Variants in ITGAM observed in about 807,000 individuals in gnomAD.
The protein encoded by ITGAM is integrin subunit alpha M.
A neutral mutation model predicts 137.5 loss-of-function variants in ITGAM; 79 were observed. The observed-to-expected ratio is 0.57, with a 90% CI of 0.48 to 0.69. The LOEUF is 0.69. Among genes scored for constraint, ITGAM ranks in the 30% least tolerant of loss-of-function variants. The pLI is 0.00. For missense variants in ITGAM, 1,343 were observed against 1,483.5 expected (o/e 0.91, Z 1.56); for synonymous variants, 583 against 592.3 (o/e 0.98, Z 0.23).
Position 31,330,149 on chromosome 16 carries a change from G to A in ITGAM, c.3045G>A (p.Arg1015=), listed in dbSNP as rs746991416. The A allele has an allele frequency of 2.5e-6, 4 of 1,613,372 alleles. No homozygotes were observed. The Admixed American group carries it at 6.7e-5, about 27-fold the overall frequency. ...PSHSDFLAEL[R]KAPVVNCSIA... ...ACTCCGACTTTCTGGCTGAGCTTCG[G>A]AAGGCCCCCGTGGTGGTGAGAAGCT... is the stretch of plus-strand genomic sequence containing the variant. The change falls in exon 26 of 30, where the codon CGG becomes CGA. Residue 1015 remains arginine, a synonymous_variant. Transcript: ENST00000544665.
chr16:31,274,002 C>T (rs941498733), intron 8 of ITGAM, among the ~76,000 whole-genome samples: 1 of 152,230 alleles, frequency 6.6e-6, no homozygotes, highest in African/African-American at 2.4e-5. Flanking sequence ...TGCTTTTTTA[C>T]GCCTCTGCAT....
Position 31,273,515 on chromosome 16 carries a change from TG to T in ITGAM, c.858+1del. ...GAGAGGGAGTCATTCGCTACGTCATTGGGGTAGGGAATGCAGCTCTCAGGTT... is the reference window on the plus strand; with the variant it reads ...GAGAGGGAGTCATTCGCTACGTCATTGGGTAGGGAATGCAGCTCTCAGGTT... ...DREGVIRYVIGVGDAFRSEKS... is the reference protein window; with the variant it reads ...DREGVIRYVIXVGDAFRSEKS... On this transcript the variant is annotated frameshift_variant and splice_region_variant, in exon 8 of 30. Transcript: ENST00000544665. LOFTEE classifies it high-confidence loss of function. 1 of 1,613,520 alleles carries T rather than the reference TG, an allele frequency of 6.2e-7. No individual in the cohort carries two copies.
intron 14 of ITGAM, among the ~76,000 whole-genome samples, chr16:31,316,662 G>C (rs1167615636): frequency 6.6e-6 from 1 of 152,108 alleles, no homozygotes. Flanking sequence ...ATGCCATTGG[G>C]ATTTTGGTAG....
chr16:31,324,368 C>T lies in ITGAM; in HGVS notation c.2003-31C>T. 6.5e-7 allele frequency: 1 copy of T among 1,543,756 alleles called. No homozygotes were observed. The highest frequency in any genetic ancestry group is 8.8e-7 in the Non-Finnish European group (1 of 1,140,272). On this transcript the variant is annotated intron_variant, in intron 16 of 29. Coordinates refer to ENST00000544665, the MANE Select transcript of ITGAM (RefSeq NM_000632.4). The surrounding 1 kb of genome is among the most constrained non-coding windows in gnomAD (Gnocchi z 4.5). ...ATCTGCCGGGTTCCGAGGCTCAGGCCCCTCACTGCTGTGCCACCCTGTCCC... is the reference window on the plus strand; with the variant it reads ...ATCTGCCGGGTTCCGAGGCTCAGGCTCCTCACTGCTGTGCCACCCTGTCCC...
chr16:31,277,172 C>A, intron 11 of ITGAM, 123 bp downstream of exon 11: 1 of 803,666 alleles, frequency 1.2e-6, no homozygotes, highest in Non-Finnish European at 1.8e-6. Context: ...CTATTAGTCT[C>A]TTGGGATAGC....
At chr16:31,326,414 A>C (rs2080508759) in intron 21 of ITGAM, among the ~76,000 whole-genome samples, 1 of 152,068 alleles carries the variant, frequency 6.6e-6, no homozygotes, top group Non-Finnish European at 1.5e-5. Flanking sequence ...AATTGTTTTT[A>C]AATTTTTTAT....
In ITGAM at chr16:31,330,337, C is replaced by T. The variant is rs2080563841; in HGVS notation, c.3090C>T (p.Ile1030=). The T allele has an allele frequency of 1.2e-6, 2 of 1,613,834 alleles. No homozygotes were observed. Among genetic ancestry groups the T allele is most frequent in the Admixed American group, 3.3e-5 (2 of 60,010 alleles). Residue 1030 remains isoleucine (I), a synonymous_variant, in exon 27 of 30, where the codon ATC becomes ATT. Transcript: ENST00000544665. ...GCTCCATCGCTGTCTGCCAGAGAATCCAGTGTGACATCCCGTTCTTTGGCA... is the reference window on the plus strand; with the variant it reads ...GCTCCATCGCTGTCTGCCAGAGAATTCAGTGTGACATCCCGTTCTTTGGCA... The part of the protein sequence containing the change: ...VNCSIAVCQR[I]QCDIPFFGIQ...
chr16:31,319,131 G>A (rs928135760), intron 14 of ITGAM, among the ~76,000 whole-genome samples: 4 of 151,956 alleles, frequency 2.6e-5, no homozygotes, highest in African/African-American at 2.4e-5. Flanking sequence ...CATGTGGTCT[G>A]TCCTGGGGAA....
intron 2 of ITGAM, among the ~76,000 whole-genome samples, chr16:31,262,605 CTG>C (rs1399448999): frequency 6.6e-6 from 1 of 151,856 alleles, no homozygotes; most frequent in Non-Finnish European, 1.5e-5. Context: ...AGGTCTCACT[CTG>C]TTGCCCAATC....
At chr16:31,318,826 G>C (rs1313050485) in intron 14 of ITGAM, among the ~76,000 whole-genome samples, 1 of 151,796 alleles carries the variant, frequency 6.6e-6, no homozygotes, top group Non-Finnish European at 1.5e-5. Flanking sequence ...ATTGAAATTT[G>C]TCTTTTTGTT....
At chr16:31,282,010 T>C (rs1404177523) in intron 12 of ITGAM, among the ~76,000 whole-genome samples, 7 of 152,228 alleles carry the variant, frequency 4.6e-5, no homozygotes, top group Non-Finnish European at 1.0e-4. Flanking sequence ...TTGTTCAGTT[T>C]CCATGTAGTT....
rs147584390 is a variant in ITGAM, at chr16:31,273,433, A to G, written c.773A>G (p.Asp258Gly). ...TTTAAGATCCTAGTTGTCATCACGG[A>G]TGGAGAAAAGTTTGGCGATCCCTTG... ...NAFKILVVITDGEKFGDPLGY... is the reference protein window; with the variant it reads ...NAFKILVVITGGEKFGDPLGY... Residue 258 changes from aspartate to glycine, a missense_variant, in exon 8 of 30, where the codon GAT (aspartate) becomes GGT (glycine). Coordinates refer to ENST00000544665, the MANE Select transcript of ITGAM (RefSeq NM_000632.4). The G allele has an allele frequency of 1.2e-6, 2 of 1,613,836 alleles. No homozygotes were observed. Among genetic ancestry groups the G allele is most frequent in the Non-Finnish European group, 8.5e-7 (1 of 1,179,830 alleles).
At position 31,273,355 on chromosome 16, in the gene ITGAM, TC is replaced by T. The variant is rs2079872305; in HGVS notation, c.705-8del. On this transcript the variant is annotated splice_polypyrimidine_tract_variant and intron_variant, in intron 7 of 29. Coordinates refer to ENST00000544665, the MANE Select transcript of ITGAM (RefSeq NM_000632.4). The stretch of plus-strand genomic sequence containing the variant: ...TGCATTTGACTTTGTCCCTCCTGTT[TC>T]CTGCACAGACGAGAGCTGTTTAACA... 1 of 1,612,050 alleles carries T rather than the reference TC, an allele frequency of 6.2e-7. No homozygotes were observed. The highest frequency in any genetic ancestry group is 1.3e-5 in the African/African-American group (1 of 74,756).
intron 12 of ITGAM, 116 bp downstream of exon 12, chr16:31,278,225 G>A: frequency 8.8e-7 from 1 of 1,140,256 alleles, no homozygotes; most frequent in Non-Finnish European, 1.2e-6. Flanking sequence ...GGCTTTGGGG[G>A]CTGTGAGCTG....
intron 7 of ITGAM, 104 bp downstream of exon 7, chr16:31,272,096 TC>T (rs1567249933): frequency 7.3e-7 from 1 of 1,370,098 alleles, no homozygotes; most frequent in Non-Finnish European, 1.0e-6. Context: ...AGAGGATGCT[TC>T]CCCACCGGCA....
intron 14 of ITGAM, among the ~76,000 whole-genome samples, chr16:31,298,228 A>AAAG (rs2080158832): frequency 1.3e-5 from 2 of 149,986 alleles, no homozygotes; most frequent in Non-Finnish European, 3.0e-5. Flanking sequence ...AAAAAAAAAA[A>AAAG]TTAGCCAGGT....
At chr16:31,313,552 A>G (rs2144449543) in intron 14 of ITGAM, among the ~76,000 whole-genome samples, 1 of 152,342 alleles carries the variant, frequency 6.6e-6, no homozygotes, top group East Asian at 1.9e-4. Context: ...TGCAAAGGAC[A>G]TGAACTCATT....
intron 12 of ITGAM, among the ~76,000 whole-genome samples, chr16:31,296,022 T>C (rs1024921723): frequency 6.6e-6 from 1 of 152,174 alleles, no homozygotes; most frequent in Non-Finnish European, 1.5e-5. Context: ...TATGCCACAT[T>C]AATTGATTTG....
chr16:31,323,001 T>C (rs1308695723), intron 16 of ITGAM, among the ~76,000 whole-genome samples: 1 of 150,516 alleles, frequency 6.6e-6, no homozygotes, highest in Non-Finnish European at 1.5e-5. Flanking sequence ...CTAACAAACA[T>C]GTAATTGGAA....
Sources: allele counts gnomAD v4.1 joint callset (sites outside exome capture counted in the v4.1 genomes callset), GRCh38; gene constraint gnomAD v4.1.1; non-coding constraint Gnocchi (gnomAD v3.1); transcripts MANE v1.5; gene names NCBI Gene and HGNC (gene_info 2026-07-23, HGNC 2026-07-21).